Variants in NEK10 observed in about 807,000 individuals in gnomAD.
NEK10 encodes the protein NIMA related kinase 10.
A neutral mutation model predicts 159.8 loss-of-function variants in NEK10; 122 were observed. That is an observed-to-expected ratio of 0.76 (90% CI 0.66 to 0.89). The LOEUF (loss-of-function observed/expected upper bound fraction) is 0.89, where lower values mean the gene tolerates loss of function less well. NEK10 is among the 40% of genes least tolerant of loss of function. The pLI is 0.00. For missense variants in NEK10, 1,342 were observed against 1,323.1 expected (o/e 1.01, Z -0.22); for synonymous variants, 466 against 457.1 (o/e 1.02, Z -0.25).
At chr3:27,301,250 C>A (rs774112688) in intron 13 of NEK10, among the ~76,000 whole-genome samples, 13 of 152,236 alleles carry the variant, frequency 8.5e-5, no homozygotes, top group Non-Finnish European at 1.9e-4. Context: ...CAGCATCTTT[C>A]AGTCTTCTCT....
chr3:27,310,738 G>A lies in NEK10; in HGVS notation c.636+211C>T, dbSNP rs1438293656. On this transcript the variant is annotated intron_variant, in intron 9 of 35. Transcript: ENST00000691995. Reference sequence around the variant, plus strand: ...ATGGCATAGGAAAAAAAAGAAAAGAGTTCCAGAAAACTTGTATTTATTATA... The same window carrying A: ...ATGGCATAGGAAAAAAAAGAAAAGAATTCCAGAAAACTTGTATTTATTATA... 1.2e-5 allele frequency: 5 copies of A among 408,216 alleles called. No homozygotes were observed. The Admixed American group carries it at 1.3e-4, about 11-fold the overall frequency. 25.3% of individuals were successfully genotyped at this position (408,216 alleles called of 1,614,324 possible).
chr3:27,160,457 T>C (rs117374321), intron 30 of NEK10, among the ~76,000 whole-genome samples: 2 of 152,320 alleles, frequency 1.3e-5, no homozygotes, highest in East Asian at 3.9e-4. Context: ...GGAAAAAACC[T>C]TCATATGAAG....
intron 26 of NEK10, among the ~76,000 whole-genome samples, chr3:27,178,939 T>C (rs757984144): frequency 6.6e-6 from 1 of 152,176 alleles, no homozygotes; most frequent in Non-Finnish European, 1.5e-5. Flanking sequence ...AGTTAGTTTT[T>C]GTTTGTTTTT....
intron 28 of NEK10, among the ~76,000 whole-genome samples, chr3:27,172,796 A>T (rs1947130277): frequency 6.6e-6 from 1 of 152,186 alleles, no homozygotes; most frequent in Non-Finnish European, 1.5e-5. Context: ...TATAAAATTC[A>T]AAATAATAAA....
At chr3:27,366,246 A>C (rs2049075318) in intron 1 of NEK10, among the ~76,000 whole-genome samples, 1 of 152,188 alleles carries the variant, frequency 6.6e-6, no homozygotes, top group Non-Finnish European at 1.5e-5. Context: ...TTAACTTGCC[A>C]ATCCCATATC....
intron 30 of NEK10, among the ~76,000 whole-genome samples, chr3:27,150,447 A>T (rs1234227734): frequency 6.6e-6 from 1 of 152,174 alleles, no homozygotes; most frequent in Non-Finnish European, 1.5e-5. Context: ...TGACCATTCC[A>T]AAAATACTAG....
intron 23 of NEK10, among the ~76,000 whole-genome samples, chr3:27,240,310 A>AG (rs1954403089): frequency 6.6e-6 from 1 of 152,096 alleles, no homozygotes; most frequent in Admixed American, 6.5e-5. Context: ...GATTTTTTGT[A>AG]GAAAAAAAAA....
At chr3:27,335,408 G>A (rs371023768) in intron 5 of NEK10, among the ~76,000 whole-genome samples, 13 of 150,890 alleles carry the variant, frequency 8.6e-5, no homozygotes, top group South Asian at 4.2e-4. Flanking sequence ...CAATAATAGC[G>A]AGGGACTTTA....
intron 22 of NEK10, among the ~76,000 whole-genome samples, chr3:27,276,578 T>C (rs2041790375): frequency 6.6e-6 from 1 of 152,128 alleles, no homozygotes; most frequent in Non-Finnish European, 1.5e-5. Context: ...AGGCAATTAC[T>C]TGAAGGATTT....
intron 3 of NEK10, among the ~76,000 whole-genome samples, chr3:27,350,544 T>G (rs376126753): frequency 3.9e-5 from 6 of 152,270 alleles, no homozygotes; most frequent in East Asian, 1.9e-4. Flanking sequence ...AACCTAAGGA[T>G]CTTCATTAAA....
chr3:27,157,653 A>G (rs1608086), intron 30 of NEK10, among the ~76,000 whole-genome samples: 5,545 of 152,310 alleles, frequency 0.036, 235 homozygotes, highest in African/African-American at 0.11. Context: ...CTATAAATTT[A>G]GTTCATAAAG....
chr3:27,157,775 T>C (rs1945630016), intron 30 of NEK10, among the ~76,000 whole-genome samples: 1 of 152,154 alleles, frequency 6.6e-6, no homozygotes, highest in East Asian at 1.9e-4. Context: ...AAAGACTGAA[T>C]TGATTGAGCA....
chr3:27,136,318 T>C (rs1209915625), intron 31 of NEK10, among the ~76,000 whole-genome samples: 2 of 151,942 alleles, frequency 1.3e-5, no homozygotes, highest in East Asian at 1.9e-4. Context: ...TTCACTGTGT[T>C]AGCCAGGATG....
chr3:27,173,420 A>AT (rs904430531), intron 28 of NEK10, among the ~76,000 whole-genome samples: 1 of 152,168 alleles, frequency 6.6e-6, no homozygotes, highest in Non-Finnish European at 1.5e-5. Flanking sequence ...ATGCATAAAT[A>AT]TTTTTTCCCA....
rs142604337 is a variant in NEK10, at chr3:27,227,652, T to C, written c.2091-25095A>G. Among the ~76,000 whole-genome samples, 216 of 152,234 alleles carry C rather than the reference T, an allele frequency of 1.4e-3. 1 individual carries two copies. The highest frequency in any genetic ancestry group is 5.0e-3 in the African/African-American group (208 of 41,540). On this transcript the variant is annotated intron_variant, in intron 23 of 35. Coordinates refer to ENST00000691995, the MANE Select transcript of NEK10 (RefSeq NM_001394966.1). ...ACCCTTGATTCCATCATAACACACA[T>C]TGTATGTCAGCAATTCAACGGCATA... is the stretch of plus-strand genomic sequence containing the variant.
chr3:27,300,930 G>A (rs1398829069), intron 13 of NEK10, among the ~76,000 whole-genome samples: 30 of 152,176 alleles, frequency 2.0e-4, no homozygotes, highest in Admixed American at 1.9e-3. Context: ...GGAGAAAATA[G>A]TAGACAGCAA....
chr3:27,365,621 T>G (rs1474169658), intron 1 of NEK10, among the ~76,000 whole-genome samples: 1 of 140,380 alleles, frequency 7.1e-6, no homozygotes, highest in African/African-American at 2.6e-5. Flanking sequence ...TTTTTTTTTT[T>G]TTTTTTTTTG....
chr3:27,291,147 T>A (rs1575608556), intron 18 of NEK10, 115 bp downstream of exon 18: 1 of 961,092 alleles, frequency 1.0e-6, no homozygotes, highest in East Asian at 2.5e-5. Flanking sequence ...CTAATTTTCA[T>A]ATCTGTTTGC....
intron 25 of NEK10, chr3:27,194,449 C>A (rs11928916): frequency 0.23 from 34,728 of 152,052 alleles, 4,289 homozygotes; most frequent in Middle Eastern, 0.38. Context: ...GAATCAGAGT[C>A]ATAATACATG....
Sources: gnomAD v4.1 joint callset for allele counts (sites outside exome capture counted in the v4.1 genomes callset) on GRCh38, gnomAD v4.1.1 for gene constraint, MANE v1.5 for transcripts, NCBI Gene and HGNC (gene_info 2026-07-23, HGNC 2026-07-21) for gene names.